Variants in MYH16 observed in about 807,000 individuals in gnomAD.
MYH16 encodes the protein putative uncharacterized protein MYH16.
chr7:99,257,738 G>A (rs1791888210), intron 10 of MYH16, among the ~76,000 whole-genome samples: 1 of 152,120 alleles, frequency 6.6e-6, no homozygotes, highest in South Asian at 2.1e-4. Flanking sequence ...CCTCAACCTT[G>A]TAGGCTCAAA....
At chr7:99,286,331 G>C (rs368275947) in intron 27 of MYH16, 3 of 152,540 alleles carry the variant, frequency 2.0e-5, no homozygotes, top group Non-Finnish European at 4.4e-5. Flanking sequence ...TTAGAGGATT[G>C]TTTGAGCCAG....
At chr7:99,308,159 A>T (rs1206684251), downstream of MYH16, among the ~76,000 whole-genome samples, 1 of 151,766 alleles carries the variant, frequency 6.6e-6, no homozygotes, top group Non-Finnish European at 1.5e-5. Context: ...GCCAGGCGTG[A>T]TGGCACACGC....
intron 38 of MYH16, 46 bp from the exon 20 acceptor site, chr7:99,303,019 C>G (rs1229964723): frequency 2.0e-5 from 3 of 152,594 alleles, no homozygotes; most frequent in African/African-American, 7.2e-5. Flanking sequence ...CAGGAAGGCC[C>G]ATGCAGACCC....
chr7:99,256,293 AAAAAAAAAT>A (rs1271309008), intron 9 of MYH16, among the ~76,000 whole-genome samples: 2 of 150,908 alleles, frequency 1.3e-5, no homozygotes, highest in African/African-American at 4.9e-5. Context: ...AAAAAAAAAA[AAAAAAAAAT>A]TTAAATTTGA....
intron 21 of MYH16, 84 bp from the exon 4 acceptor site, chr7:99,279,426 T>C: frequency 2.5e-6 from 1 of 407,482 alleles, no homozygotes; most frequent in South Asian, 1.8e-5. Flanking sequence ...CCAGGACACA[T>C]TTGTTCAGCT....
At chr7:99,293,822 AAAGT>A (rs34828939) in intron 32 of MYH16, among the ~76,000 whole-genome samples, 192 bp from the exon 14 acceptor site, 13,342 of 152,154 alleles carry the variant, frequency 0.088, 1,592 homozygotes, top group African/African-American at 0.27. Flanking sequence ...CAGGGTAGAG[AAAGT>A]AAGTGTTTGT....
intron 13 of MYH16, among the ~76,000 whole-genome samples, chr7:99,262,169 G>A (rs951706723): frequency 1.3e-5 from 2 of 152,134 alleles, no homozygotes; most frequent in African/African-American, 2.4e-5. Context: ...GGGAGGTGAC[G>A]TTCATCCTGC....
chr7:99,287,650 C>G (rs1792298124), intron 28 of MYH16, among the ~76,000 whole-genome samples: 1 of 151,644 alleles, frequency 6.6e-6, no homozygotes, highest in South Asian at 2.1e-4. Flanking sequence ...AGGTCCCATT[C>G]ATAGGTACCC....
intron 13 of MYH16, among the ~76,000 whole-genome samples, chr7:99,262,393 T>C (rs1791947167): frequency 6.6e-6 from 1 of 152,158 alleles, no homozygotes; most frequent in Non-Finnish European, 1.5e-5. Context: ...GCCAATTGCT[T>C]GTAAAATGGA....
intron 21 of MYH16, among the ~76,000 whole-genome samples, chr7:99,279,273 T>G (rs1454517483): frequency 6.6e-6 from 1 of 150,906 alleles, no homozygotes; most frequent in Non-Finnish European, 1.5e-5. Context: ...GTGGGAGGAC[T>G]TCTTGAGCCC....
intron 26 of MYH16, 61 bp downstream of exon 8, chr7:99,284,996 G>A (rs911265576): frequency 8.8e-6 from 4 of 452,846 alleles, no homozygotes; most frequent in African/African-American, 6.0e-5. Flanking sequence ...TGAACGTTTT[G>A]TTCATGTCAG....
chr7:99,273,369 C>T (rs760300096), exon 20 of MYH16: 14 of 456,636 alleles, frequency 3.1e-5, no homozygotes, highest in African/African-American at 1.0e-4. Context: ...TTCAGCAGAA[C>T]GTGCACAAGT....
rs1183128702 is a variant in MYH16 at position 99,277,523 on chromosome 7, G to C, written n.2486-16G>C. On this transcript the variant is annotated splice_polypyrimidine_tract_variant and intron_variant and non_coding_transcript_variant, in intron 20 of 41. Transcript: ENST00000439784. ...CCCCATTCTCCTAACACTCTTTGGT[G>C]TTGCTCATTGCCCAGGTCAAGCCAC... 4.4e-6 allele frequency: 2 copies of C among 455,762 alleles called. No homozygotes were observed. Among genetic ancestry groups the C allele is most frequent in the Non-Finnish European group, 8.8e-6 (2 of 226,406 alleles). 28.2% of individuals were successfully genotyped at this position (455,762 alleles called of 1,614,324 possible). A position where few individuals can be genotyped will look rare whatever the true frequency, so the allele number is the denominator to read the frequency against.
At chr7:99,299,067 A>G (rs992230477) in intron 36 of MYH16, among the ~76,000 whole-genome samples, 4 of 137,916 alleles carry the variant, frequency 2.9e-5, no homozygotes, top group Non-Finnish European at 5.9e-5. Context: ...CTCTACAAAA[A>G]AAAAATAAAA....
chr7:99,251,352 T>C lies in MYH16; in HGVS notation n.729+166T>C, dbSNP rs1177830946. Among the ~76,000 whole-genome samples, 14 of 152,256 alleles carry C rather than the reference T, an allele frequency of 9.2e-5. No individual in the cohort carries two copies. The East Asian group carries it at 2.3e-3, about 25-fold the overall frequency. The stretch of plus-strand genomic sequence containing the variant: ...TGAAGGCACAGCAATCAGAATCAAA[T>C]TGGCAACGAGGAAAAACTAATTCAA... On this transcript the variant is annotated intron_variant and non_coding_transcript_variant, in intron 6 of 41. Coordinates refer to ENST00000439784, the Ensembl canonical transcript of MYH16.
intron 31 of MYH16, among the ~76,000 whole-genome samples, chr7:99,291,943 CA>C (rs910147638): frequency 6.0e-5 from 9 of 150,154 alleles, no homozygotes; most frequent in African/African-American, 2.2e-4. Context: ...AACTCGGTCT[CA>C]GGAAAAAAAA....
At chr7:99,288,873 G>A (rs1398941412) in intron 29 of MYH16, among the ~76,000 whole-genome samples, 2 of 151,834 alleles carry the variant, frequency 1.3e-5, no homozygotes, top group African/African-American at 4.8e-5. Context: ...CCAGCACTTT[G>A]AGAGGCCAAG....
downstream of MYH16, among the ~76,000 whole-genome samples, chr7:99,309,590 GC>G: frequency 6.6e-6 from 1 of 152,348 alleles, no homozygotes; most frequent in South Asian, 2.1e-4. Flanking sequence ...CTCCCAGTGA[GC>G]TCTGACCTAG....
At chr7:99,254,406 A>G (rs1298115481) in intron 8 of MYH16, among the ~76,000 whole-genome samples, 1 of 152,226 alleles carries the variant, frequency 6.6e-6, no homozygotes, top group Non-Finnish European at 1.5e-5. Context: ...AATCTGGGAT[A>G]TAAAACTGAG....
Sources: allele counts gnomAD v4.1 joint callset (sites outside exome capture counted in the v4.1 genomes callset), GRCh38; gene constraint gnomAD v4.1.1; transcripts MANE v1.5; gene names NCBI Gene and HGNC (gene_info 2026-07-23, HGNC 2026-07-21).